The following FNBP1 variants were observed in gnomAD, a reference collection of about 807,000 sequenced individuals.
FNBP1 encodes the protein formin binding protein 1.
In FNBP1, 26 loss-of-function variants were observed where a neutral mutation model predicts 90.6. The observed-to-expected ratio is 0.29, with a 90% CI of 0.21 to 0.40. The LOEUF (loss-of-function observed/expected upper bound fraction) is 0.40, where lower values mean the gene tolerates loss of function less well. Ranked by LOEUF, FNBP1 falls within the 10% of genes least tolerant of loss-of-function variation. FNBP1 has a pLI of 1.00. For missense variants in FNBP1, 635 were observed against 768.0 expected, an observed-to-expected ratio of 0.83 and a Z score of 2.05; for synonymous variants, 260 against 265.2, an observed-to-expected ratio of 0.98 and a Z score of 0.19.
At chr9:129,965,409 T>C (rs2048404909) in intron 4 of FNBP1, among the ~76,000 whole-genome samples, 1 of 152,210 alleles carries the variant, frequency 6.6e-6, no homozygotes, top group African/African-American at 2.4e-5. Flanking sequence ...CATGAGGCAA[T>C]GGGCCAGGGT....
intron 10 of FNBP1, among the ~76,000 whole-genome samples, chr9:129,919,527 T>C (rs1450559464): frequency 6.6e-6 from 1 of 152,214 alleles, no homozygotes; most frequent in African/African-American, 2.4e-5. Context: ...TCAACTTACA[T>C]AAAAATGAAA....
chr9:129,962,674 C>A (rs991258036), intron 4 of FNBP1, among the ~76,000 whole-genome samples: 1 of 152,160 alleles, frequency 6.6e-6, no homozygotes, highest in Non-Finnish European at 1.5e-5. Context: ...TTTTATCTAT[C>A]CAGCAATTTT....
At position 130,000,881 on chromosome 9, in the gene FNBP1, A is replaced by G. The variant is rs79293678; in HGVS notation, c.25-5923T>C. 8.5e-5 allele frequency among the ~76,000 whole-genome samples: 13 copies of G among 152,334 alleles called. No homozygotes were observed. The East Asian group carries it at 2.5e-3, about 29-fold the overall frequency. On this transcript the variant is annotated intron_variant, in intron 1 of 16. Transcript: ENST00000446176. ...GAAAAAAGCAGCTAGTTCAACTTAC[A>G]ACTCAGGATCATGTATTTTAGTCTG...
the FNBP1 span, chr9:130,053,624 C>G: frequency 2.4e-6 from 1 of 423,560 alleles, no homozygotes; most frequent in Non-Finnish European, 4.3e-6. Context: ...AGCCCAAGGT[C>G]GCTTCCAAAG....
chr9:129,936,491 T>C (rs2043484775), intron 6 of FNBP1: 1 of 152,136 alleles, frequency 6.6e-6, no homozygotes, highest in Admixed American at 6.5e-5. Context: ...CCAAACTACC[T>C]GAGCCATGGA....
intron 10 of FNBP1, among the ~76,000 whole-genome samples, chr9:129,922,471 C>T (rs573578360): frequency 6.6e-6 from 1 of 152,272 alleles, no homozygotes; most frequent in East Asian, 1.9e-4. Flanking sequence ...TGTATCTTCC[C>T]ACCTTCACCT....
rs1009952646 is a variant in FNBP1, at chr9:130,031,555, C to T, written c.24+11397G>A. 6.6e-6 allele frequency among the ~76,000 whole-genome samples: 1 copy of T among 152,196 alleles called. No homozygotes were observed. Among genetic ancestry groups the T allele is most frequent in the Admixed American group, 6.6e-5 (1 of 15,260 alleles). ...ACTTCACCTGTAAAACTTACTAGTC[C>T]TTCAGGACTCCACTTGGATGCCATT... On this transcript the variant is annotated intron_variant, in intron 1 of 16. Transcript: ENST00000446176. The surrounding 1 kb of genome is among the most constrained non-coding windows in gnomAD (Gnocchi z 4.2).
At chr9:130,035,963 A>C (rs1481495196) in intron 1 of FNBP1, among the ~76,000 whole-genome samples, 1 of 152,104 alleles carries the variant, frequency 6.6e-6, no homozygotes, top group Non-Finnish European at 1.5e-5. Context: ...CAAACAAACA[A>C]AAACTTACAT....
At chr9:130,053,834 C>G in the FNBP1 span, 1 of 1,182,110 alleles carries the variant, frequency 8.5e-7, no homozygotes, top group African/African-American at 1.5e-5. Flanking sequence ...GTCAGCGGAG[C>G]TAGCCGCCGA....
intron 10 of FNBP1, among the ~76,000 whole-genome samples, chr9:129,917,490 G>A (rs1199213186): frequency 1.3e-5 from 2 of 151,832 alleles, no homozygotes; most frequent in Non-Finnish European, 2.9e-5. Flanking sequence ...GTGCCACCAC[G>A]TCCAGCTAAG....
intron 4 of FNBP1, among the ~76,000 whole-genome samples, chr9:129,963,634 T>TAAAAA (rs35165248): frequency 5.6e-5 from 6 of 107,730 alleles, no homozygotes; most frequent in East Asian, 2.7e-4. Flanking sequence ...TTTTTTTTTT[T>TAAAAA]AAAAAAACAA....
chr9:130,003,939 T>A (rs1305195619), intron 1 of FNBP1, among the ~76,000 whole-genome samples: 1 of 58,260 alleles, frequency 1.7e-5, no homozygotes. Flanking sequence ...AAAAAAGTAG[T>A]CTTCTGTAAC....
At chr9:129,914,431 C>T (rs1170491749) in intron 11 of FNBP1, among the ~76,000 whole-genome samples, 1 of 151,900 alleles carries the variant, frequency 6.6e-6, no homozygotes, top group Non-Finnish European at 1.5e-5. Flanking sequence ...AACAGAAAGA[C>T]TGCCTAAAAA....
At chr9:130,028,885 T>C (rs997974604) in intron 1 of FNBP1, among the ~76,000 whole-genome samples, 5 of 152,182 alleles carry the variant, frequency 3.3e-5, no homozygotes, top group African/African-American at 9.7e-5. Flanking sequence ...CAGATGCATA[T>C]ACTAGGCTAT....
the FNBP1 span, among the ~76,000 whole-genome samples, chr9:130,050,887 T>C: frequency 7.6e-6 from 1 of 131,724 alleles, no homozygotes; most frequent in African/African-American, 2.7e-5. Context: ...AGTGAATTGG[T>C]GCAATCATGC....
intron 1 of FNBP1, among the ~76,000 whole-genome samples, chr9:130,000,253 G>A (rs1209076352): frequency 6.6e-6 from 1 of 152,198 alleles, no homozygotes; most frequent in Non-Finnish European, 1.5e-5. Flanking sequence ...CACTTCGGGA[G>A]GCAGAAGCAG....
chr9:129,979,373 T>A lies in FNBP1; in HGVS notation c.142A>T (p.Asn48Tyr), dbSNP rs779607974. Residue 48 changes from asparagine (N) to tyrosine (Y), a missense_variant and splice_region_variant, in exon 3 of 17, where the codon AAT becomes TAT. Physicochemically the swap from Asn to Tyr is moderately radical, Grantham distance 143. Transcript: ENST00000446176. ...TTAGGTTGGTACTTCTTTGAAAGAT[T>A]CCTGAAATAAAAATGCAGACATGTC... is the stretch of plus-strand genomic sequence containing the variant. ...IELSYAKQLR[N>Y]LSKKYQPKKN... The A allele has an allele frequency of 6.3e-7, 1 of 1,597,456 alleles. No homozygotes were observed. Among genetic ancestry groups the A allele is most frequent in the South Asian group, 1.1e-5 (1 of 90,370 alleles).
chr9:129,957,395 C>G lies in FNBP1; in HGVS notation c.478G>C (p.Ala160Pro). 6.2e-7 allele frequency: 1 copy of G among 1,613,478 alleles called. No homozygotes were observed. The highest frequency in any genetic ancestry group is 8.5e-7 in the Non-Finnish European group (1 of 1,179,612). ...RAQQYFEKMD[A>P]DINVTKADVE... Reference sequence around the variant, plus strand: ...TCCGCTTTTGTGACATTGATGTCAGCGTCCATTTTCTCAAAGTACTGCTGC... The same window carrying G: ...TCCGCTTTTGTGACATTGATGTCAGGGTCCATTTTCTCAAAGTACTGCTGC... Residue 160 changes from alanine to proline, a missense_variant, in exon 6 of 17, where the codon GCT (alanine) becomes CCT (proline). Transcript: ENST00000446176. This position sits in a 1 kb window ranked among gnomAD's most constrained non-coding sequence, Gnocchi z 4.3.
chr9:129,987,992 T>C (rs1025253631), intron 2 of FNBP1, among the ~76,000 whole-genome samples: 10 of 152,158 alleles, frequency 6.6e-5, no homozygotes, highest in African/African-American at 2.4e-4. Context: ...ACTTGAATGG[T>C]TCATTTTTTA....
Sources: gnomAD v4.1 joint callset for allele counts (sites outside exome capture counted in the v4.1 genomes callset) on GRCh38, gnomAD v4.1.1 for gene constraint, Gnocchi (gnomAD v3.1) non-coding constraint, MANE v1.5 for transcripts, NCBI Gene and HGNC (gene_info 2026-07-23, HGNC 2026-07-21) for gene names.